NPAS3: variants seen among roughly 807,000 people sequenced by gnomAD.
NPAS3 encodes the protein neuronal PAS domain-containing protein 3.
In NPAS3, 14 loss-of-function variants were observed where a neutral mutation model predicts 73.1. The ratio of observed to expected loss-of-function variants is 0.19; its 90% CI spans 0.13 to 0.30. The LOEUF (loss-of-function observed/expected upper bound fraction) is 0.30, where lower values mean the gene tolerates loss of function less well. Among genes scored for constraint, NPAS3 ranks in the 10% least tolerant of loss-of-function variants. The pLI, the probability that NPAS3 is intolerant of heterozygous loss-of-function variation, is 1.00. For missense variants in NPAS3, 1,096 were observed against 1,250.0 expected (o/e 0.88, Z 1.86); for synonymous variants, 620 against 541.5 (o/e 1.14, Z -2.01).
In NPAS3 at chr14:33,124,788, TAAGA is replaced by T. The variant is rs923431136; in HGVS notation, c.140+68799_140+68802del. On this transcript the variant is annotated intron_variant, in intron 2 of 11. Coordinates refer to ENST00000356141, the Ensembl canonical transcript of NPAS3. ...GCAGACTTTATAATTGAGTATAAAATAAGAAAGATGTTTAAACATAGTGATCAAT... is the reference window on the plus strand; with the variant it reads ...GCAGACTTTATAATTGAGTATAAAATAAGATGTTTAAACATAGTGATCAAT... Among the ~76,000 whole-genome samples the T allele has an allele frequency of 4.6e-5, 7 of 151,988 alleles. No individual in the cohort carries two copies. In the East Asian group the frequency reaches 1.4e-3, roughly 29 times the overall value.
chr14:33,266,495 C>T (rs2040822253), intron 3 of NPAS3, among the ~76,000 whole-genome samples: 1 of 152,164 alleles, frequency 6.6e-6, no homozygotes, highest in Admixed American at 6.6e-5. Context: ...TGCCATTTTA[C>T]TGCTTCAGGA....
At chr14:33,710,337 G>T (rs2096130075) in intron 6 of NPAS3, among the ~76,000 whole-genome samples, 1 of 152,176 alleles carries the variant, frequency 6.6e-6, no homozygotes, top group Non-Finnish European at 1.5e-5. Flanking sequence ...TGTGAATGGG[G>T]ACAAATAGCT....
intron 5 of NPAS3, among the ~76,000 whole-genome samples, chr14:33,614,987 A>T (rs1334806775): frequency 2.6e-5 from 4 of 152,178 alleles, no homozygotes; most frequent in Non-Finnish European, 5.9e-5. Flanking sequence ...AGATGAATTC[A>T]TGGAAGAGGC....
chr14:33,456,127 G>T (rs182901742), intron 4 of NPAS3, among the ~76,000 whole-genome samples: 7 of 152,290 alleles, frequency 4.6e-5, no homozygotes, highest in African/African-American at 1.7e-4. Flanking sequence ...GTTTAGGAAG[G>T]TTAAATCTGT....
intron 4 of NPAS3, among the ~76,000 whole-genome samples, chr14:33,495,753 CTTTG>C (rs1435192260): frequency 6.6e-6 from 1 of 151,566 alleles, no homozygotes; most frequent in Non-Finnish European, 1.5e-5. Context: ...TTTTTTTAAT[CTTTG>C]TTTGTTTAAC....
rs563564816 is a variant in NPAS3 at position 33,681,579 on chromosome 14, G to GCATACAGTGA, written c.733+5196_733+5205dup. Among the ~76,000 whole-genome samples, 28 of 152,294 alleles carry GCATACAGTGA rather than the reference G, an allele frequency of 1.8e-4. No individual in the cohort carries two copies. The East Asian group carries it at 5.0e-3, about 27-fold the overall frequency. ...GTGAGAGATCCCCTACTGGGGAAAG[G>GCATACAGTGA]CATACAGTGACTGATTTTTATTGCC... On this transcript the variant is annotated intron_variant, in intron 6 of 11. Coordinates refer to ENST00000356141, the Ensembl canonical transcript of NPAS3.
chr14:33,240,971 T>C lies in NPAS3; in HGVS notation c.385+25545T>C, dbSNP rs939985770. On this transcript the variant is annotated intron_variant, in intron 3 of 11. Coordinates refer to ENST00000356141, the Ensembl canonical transcript of NPAS3. ...TGTGTTTCCTCCCTCTCCAGACCAC[T>C]AATGAAGATGTTAAATAAGTCTTAG... Among the ~76,000 whole-genome samples, 33 of 151,926 alleles carry C rather than the reference T, an allele frequency of 2.2e-4. 1 individual carries two copies. The highest frequency in any genetic ancestry group is 6.6e-4 in the Admixed American group (10 of 15,244).
At chr14:33,068,838 T>C (rs1036472320) in intron 2 of NPAS3, among the ~76,000 whole-genome samples, 1 of 152,086 alleles carries the variant, frequency 6.6e-6, no homozygotes, top group Admixed American at 6.5e-5. Flanking sequence ...GCTGAAGGGT[T>C]CCTAATGTGT....
chr14:33,066,371 C>T (rs1035034377), intron 2 of NPAS3, among the ~76,000 whole-genome samples: 1 of 152,064 alleles, frequency 6.6e-6, no homozygotes, highest in Non-Finnish European at 1.5e-5. Context: ...GATTGTTTAC[C>T]CTCTGTTCTG....
chr14:33,439,881 C>T (rs1032809815), intron 4 of NPAS3, among the ~76,000 whole-genome samples: 2 of 151,722 alleles, frequency 1.3e-5, no homozygotes, highest in African/African-American at 2.4e-5. Context: ...TTTGGGAGGC[C>T]GAGGCGGGTG....
chr14:33,301,955 C>T lies in NPAS3; in HGVS notation c.386-65231C>T, dbSNP rs192508841. On this transcript the variant is annotated intron_variant, in intron 3 of 11. Transcript: ENST00000356141. ...CAACAGTAGTTGTTCCAAGTGAACA[C>T]TGGCCTATTTCTGACATGACTTGGA... is the stretch of plus-strand genomic sequence containing the variant. Among the ~76,000 whole-genome samples the T allele has an allele frequency of 2.6e-5, 4 of 152,318 alleles. No homozygotes were observed. The East Asian group carries it at 7.7e-4, about 29-fold the overall frequency.
intron 9 of NPAS3, among the ~76,000 whole-genome samples, chr14:33,784,754 T>TA (rs1317655791): frequency 3.2e-5 from 4 of 124,370 alleles, no homozygotes; most frequent in Admixed American, 7.6e-5. Flanking sequence ...TATTTTTTTT[T>TA]TTTTTTTTTT....
chr14:33,440,391 G>A (rs2049191351), intron 4 of NPAS3, among the ~76,000 whole-genome samples: 1 of 152,136 alleles, frequency 6.6e-6, no homozygotes, highest in African/African-American at 2.4e-5. Context: ...CTGCAACCCT[G>A]TCCCCCGACC....
intron 3 of NPAS3, among the ~76,000 whole-genome samples, chr14:33,272,540 C>G (rs535604896): frequency 6.6e-5 from 10 of 152,208 alleles, no homozygotes; most frequent in African/African-American, 1.9e-4. Flanking sequence ...CCTCAGCCTC[C>G]CGAGTGGCTG....
intron 6 of NPAS3, among the ~76,000 whole-genome samples, chr14:33,690,362 A>G (rs2149836): frequency 0.21 from 32,275 of 151,848 alleles, 3,888 homozygotes; most frequent in African/African-American, 0.32. Context: ...CATAGGTACT[A>G]TATATGGACT....
Position 33,800,481 on chromosome 14 carries a change from C to T in NPAS3, c.2174C>T (p.Ala725Val). 6.7e-7 allele frequency: 1 copy of T among 1,482,354 alleles called. No individual in the cohort carries two copies. 91.8% of individuals were successfully genotyped at this position (1,482,354 alleles called of 1,614,324 possible). ...ACCCCGCCCGGCGCCGACGGCGCGG[C>T]CGCCCGCAAGACTCAGTTCGGCGCC... Residue 725 changes from alanine to valine, a missense_variant, in exon 12 of 12, where the codon GCC (alanine) becomes GTC (valine). By Grantham distance (64) the Ala-to-Val change is moderately conservative. This residue lies in a region of NPAS3 where 698 missense variants were observed against 676.7 expected (regional missense o/e 1.03). Coordinates refer to ENST00000356141, the Ensembl canonical transcript of NPAS3. This position sits in a 1 kb window ranked among gnomAD's most constrained non-coding sequence, Gnocchi z 6.5.
chr14:33,002,531 T>A (rs1174120512), intron 1 of NPAS3, among the ~76,000 whole-genome samples: 1 of 152,180 alleles, frequency 6.6e-6, no homozygotes, highest in African/African-American at 2.4e-5. Flanking sequence ...GCCTGCTTTT[T>A]TCAGACAGCG....
intron 5 of NPAS3, among the ~76,000 whole-genome samples, chr14:33,656,605 G>A (rs766481107): frequency 4.3e-4 from 65 of 152,212 alleles, no homozygotes; most frequent in Non-Finnish European, 4.4e-4. Context: ...TGTATTTGAG[G>A]TGTATAGCAT....
At chr14:33,769,770 T>C (rs980051703) in intron 7 of NPAS3, among the ~76,000 whole-genome samples, 7 of 136,812 alleles carry the variant, frequency 5.1e-5, no homozygotes, top group East Asian at 2.2e-4. Context: ...TTTTTTTTTT[T>C]TTTTTTTTTT....
Sources: allele counts gnomAD v4.1 joint callset (sites outside exome capture counted in the v4.1 genomes callset), GRCh38; gene constraint gnomAD v4.1.1; regional missense constraint gnomAD v4.1.1; non-coding constraint Gnocchi (gnomAD v3.1); transcripts MANE v1.5; gene names NCBI Gene and HGNC (gene_info 2026-07-23, HGNC 2026-07-21).